THSD4: variants seen among roughly 807,000 people sequenced by gnomAD.
THSD4 encodes the protein thrombospondin type-1 domain-containing protein 4.
THSD4 carries 69 observed loss-of-function variants against 119.0 expected under a neutral mutation model. That is an observed-to-expected ratio of 0.58 (90% CI 0.48 to 0.71). THSD4 has a LOEUF of 0.71. Among genes scored for constraint, THSD4 ranks in the 30% least tolerant of loss-of-function variants. The pLI is 0.00. For synonymous variants in THSD4, 524 were observed against 540.4 expected (o/e 0.97, Z 0.42); for missense variants, 1,393 against 1,391.1 (o/e 1.00, Z -0.02).
intron 6 of THSD4, among the ~76,000 whole-genome samples, chr15:71,345,375 C>T (rs1180672968): frequency 2.0e-5 from 3 of 151,994 alleles, no homozygotes; most frequent in Non-Finnish European, 1.5e-5. Context: ...AAAGGCACCC[C>T]GGGCTGCCTG....
At chr15:71,704,854 A>G (rs143588556) in intron 8 of THSD4, among the ~76,000 whole-genome samples, 1 of 152,352 alleles carries the variant, frequency 6.6e-6, no homozygotes, top group African/African-American at 2.4e-5. Context: ...TGACGTGCAG[A>G]CACGGCAAGC....
At chr15:71,239,773 C>T (rs2044136839) in intron 4 of THSD4, among the ~76,000 whole-genome samples, 1 of 152,192 alleles carries the variant, frequency 6.6e-6, no homozygotes, top group African/African-American at 2.4e-5. Context: ...TCCCCAGTTC[C>T]GTGGAGGCCC....
At chr15:71,313,754 C>A (rs2045146150) in intron 6 of THSD4, among the ~76,000 whole-genome samples, 1 of 152,276 alleles carries the variant, frequency 6.6e-6, no homozygotes, top group Admixed American at 6.5e-5. Flanking sequence ...AAGCAGCGGA[C>A]CTCCTAGCTG....
chr15:71,651,059 G>A (rs999704894), intron 7 of THSD4, among the ~76,000 whole-genome samples: 2 of 152,200 alleles, frequency 1.3e-5, no homozygotes, highest in Non-Finnish European at 2.9e-5. Flanking sequence ...GAATTAATGA[G>A]TATCAAGATC....
chr15:71,628,691 CTT>C (rs2050555861), intron 7 of THSD4, among the ~76,000 whole-genome samples: 2 of 152,194 alleles, frequency 1.3e-5, no homozygotes, highest in Admixed American at 1.3e-4. Flanking sequence ...TGTCAATACA[CTT>C]TGAGAATCGA....
chr15:71,148,004 G>A (rs1482741940), intron 2 of THSD4, among the ~76,000 whole-genome samples: 1 of 139,016 alleles, frequency 7.2e-6, no homozygotes, highest in Non-Finnish European at 1.5e-5. Flanking sequence ...AAGCTGTACT[G>A]TGATAAACCA....
chr15:71,777,206 C>T, intron 17 of THSD4, 26 bp from the exon 18 acceptor site: 7 of 1,614,154 alleles, frequency 4.3e-6, no homozygotes, highest in Non-Finnish European at 5.9e-6. Flanking sequence ...CTCAGGGAGT[C>T]TTCTGTTCAT....
At chr15:71,701,948 A>G (rs112328249) in intron 8 of THSD4, among the ~76,000 whole-genome samples, 35 of 152,310 alleles carry the variant, frequency 2.3e-4, no homozygotes, top group Non-Finnish European at 7.4e-5. Flanking sequence ...AAACATATGG[A>G]AAATAAAACT....
intron 6 of THSD4, among the ~76,000 whole-genome samples, chr15:71,278,894 C>T (rs1438515266): frequency 6.6e-6 from 1 of 152,142 alleles, no homozygotes; most frequent in East Asian, 1.9e-4. Context: ...TCGAGTGAGC[C>T]ATAATTTATT....
chr15:71,396,151 C>G (rs1035651959), intron 6 of THSD4, among the ~76,000 whole-genome samples: 3 of 152,096 alleles, frequency 2.0e-5, no homozygotes, highest in Non-Finnish European at 4.4e-5. Context: ...TACATGTATA[C>G]ATACATGTAG....
intron 7 of THSD4, among the ~76,000 whole-genome samples, chr15:71,442,644 A>ATATGTG (rs2047119033): frequency 2.6e-5 from 1 of 38,438 alleles, no homozygotes; most frequent in African/African-American, 9.3e-5. Flanking sequence ...GTGTGTGTAT[A>ATATGTG]TGTGTGTGTG....
intron 6 of THSD4, among the ~76,000 whole-genome samples, chr15:71,337,935 T>C (rs1410148230): frequency 6.6e-6 from 1 of 152,206 alleles, no homozygotes; most frequent in Non-Finnish European, 1.5e-5. Flanking sequence ...CTTCCCTGTG[T>C]AAACTGGTGG....
At chr15:71,322,203 G>C (rs2045278377) in intron 6 of THSD4, among the ~76,000 whole-genome samples, 1 of 152,166 alleles carries the variant, frequency 6.6e-6, no homozygotes, top group Non-Finnish European at 1.5e-5. Context: ...CTCCTGATTT[G>C]TACCTGCTGA....
intron 17 of THSD4, among the ~76,000 whole-genome samples, chr15:71,775,919 A>G (rs549407125): frequency 6.6e-6 from 1 of 152,306 alleles, no homozygotes; most frequent in Admixed American, 6.5e-5. Context: ...GATGTGTGAT[A>G]TATGATGGAG....
At chr15:71,630,913 C>T (rs139241008) in intron 7 of THSD4, among the ~76,000 whole-genome samples, 177 of 152,276 alleles carry the variant, frequency 1.2e-3, no homozygotes, top group African/African-American at 4.0e-3. Flanking sequence ...AGGTTCTTTG[C>T]GGTGGGGGCT....
At chr15:71,606,571 A>G (rs1221782327) in intron 7 of THSD4, among the ~76,000 whole-genome samples, 2 of 151,744 alleles carry the variant, frequency 1.3e-5, no homozygotes, top group East Asian at 3.9e-4. Flanking sequence ...ACGGAGTTTC[A>G]CTCTTGTTGC....
At chr15:71,341,732 C>G (rs1322915348) in intron 6 of THSD4, 3 of 964,376 alleles carry the variant, frequency 3.1e-6, no homozygotes, top group Non-Finnish European at 5.1e-6. Flanking sequence ...TTACCTCAGG[C>G]TGCTTAGGAA....
chr15:71,545,263 C>T (rs899168239), intron 7 of THSD4, among the ~76,000 whole-genome samples: 1 of 152,114 alleles, frequency 6.6e-6, no homozygotes, highest in Non-Finnish European at 1.5e-5. Flanking sequence ...GACACAGGGG[C>T]CATTGGTGAC....
At chr15:71,735,238 C>T (rs1032594332) in intron 10 of THSD4, among the ~76,000 whole-genome samples, 2 of 152,256 alleles carry the variant, frequency 1.3e-5, no homozygotes, top group African/African-American at 4.8e-5. Context: ...CTCATGGGGC[C>T]TTCAGGTTAG....
Sources: gnomAD v4.1 joint callset for allele counts (sites outside exome capture counted in the v4.1 genomes callset) on GRCh38, gnomAD v4.1.1 for gene constraint, MANE v1.5 for transcripts, NCBI Gene and HGNC (gene_info 2026-07-23, HGNC 2026-07-21) for gene names.